Variants in CACNA1C observed in about 807,000 individuals in gnomAD.
CACNA1C encodes calcium voltage-gated channel subunit alpha1 C.
A neutral mutation model predicts 229.0 loss-of-function variants in CACNA1C; 30 were observed. That is an observed-to-expected ratio of 0.13 (90% confidence interval 0.10 to 0.18). The LOEUF (loss-of-function observed/expected upper bound fraction) is 0.18, where lower values mean the gene tolerates loss of function less well. Among genes scored for constraint, CACNA1C ranks in the 10% least tolerant of loss-of-function variants. The pLI is 1.00. For synonymous variants in CACNA1C, 1,114 were observed against 1,132.5 expected (o/e 0.98, Z 0.33); for missense variants, 1,658 against 2,845.0 (o/e 0.58, Z 9.49).
At position 2,519,922 on chromosome 12, in the gene CACNA1C, C is replaced by G. The variant is rs1021000664; in HGVS notation, c.1390+6938C>G. 1.6e-4 allele frequency among the ~76,000 whole-genome samples: 25 copies of G among 152,224 alleles called. 1 individual carries two copies. Among genetic ancestry groups the G allele is most frequent in the African/African-American group, 5.3e-4 (22 of 41,452 alleles). ...CCGTAAGTGTACAAATGCCATTTTCCCAGCCAGGGGAGCAGTGGAAGAGCT... is the reference window on the plus strand; with the variant it reads ...CCGTAAGTGTACAAATGCCATTTTCGCAGCCAGGGGAGCAGTGGAAGAGCT... On this transcript the variant is annotated intron_variant, in intron 9 of 46. Coordinates refer to ENST00000399655, the MANE Select transcript of CACNA1C (RefSeq NM_000719.7).
chr12:2,665,802 G>A lies in CACNA1C; in HGVS notation c.4526+94G>A. 7.9e-7 allele frequency: 1 copy of A among 1,270,302 alleles called. No homozygotes were observed. The highest frequency in any genetic ancestry group is 1.1e-6 in the Non-Finnish European group (1 of 929,116). The allele number at this position is 1,270,302 out of a possible 1,614,324, so 78.7% of individuals were successfully genotyped here. A position where few individuals can be genotyped will look rare whatever the true frequency, so the allele number is the denominator to read the frequency against. On this transcript the variant is annotated intron_variant, in intron 36 of 46. Coordinates refer to ENST00000399655, the MANE Select transcript of CACNA1C (RefSeq NM_000719.7). The surrounding 1 kb of genome is among the most constrained non-coding windows in gnomAD (Gnocchi z 5.9). The stretch of plus-strand genomic sequence containing the variant: ...GGGGCTCAAGGTTGGCCAACACTGG[G>A]TGGATCAATTAGAAACACTGGATTG...
At chr12:2,392,926 A>G (rs2098510335) in intron 3 of CACNA1C, among the ~76,000 whole-genome samples, 2 of 152,126 alleles carry the variant, frequency 1.3e-5, no homozygotes, top group Admixed American at 1.3e-4. Flanking sequence ...AAATTCCTGG[A>G]CCAATCCTTG....
Position 2,272,895 on chromosome 12 carries a change from C to T in CACNA1C, c.477+152465C>T, listed in dbSNP as rs574176540. Among the ~76,000 whole-genome samples the T allele has an allele frequency of 2.0e-5, 3 of 152,334 alleles. No homozygotes were observed. In the East Asian group the frequency reaches 5.8e-4, roughly 29 times the overall value. ...CAGCTAGAAGAAATCAGTTTATAGGCAAACAAGACTCTGATGTTGGCCCTT... is the reference window on the plus strand; with the variant it reads ...CAGCTAGAAGAAATCAGTTTATAGGTAAACAAGACTCTGATGTTGGCCCTT... On this transcript the variant is annotated intron_variant, in intron 3 of 46. Transcript: ENST00000399655.
chr12:2,497,889 T>G (rs551958921), intron 7 of CACNA1C, among the ~76,000 whole-genome samples: 1 of 152,128 alleles, frequency 6.6e-6, no homozygotes, highest in African/African-American at 2.4e-5. Context: ...TAACTTTTCA[T>G]AAGTCACTTG....
intron 38 of CACNA1C, among the ~76,000 whole-genome samples, chr12:2,673,645 G>C (rs551099615): frequency 1.3e-5 from 2 of 152,198 alleles, no homozygotes; most frequent in Admixed American, 1.3e-4. Context: ...TGCAATTGTA[G>C]GCCTGAGATC....
At chr12:2,195,436 AG>A (rs1228375632) in intron 3 of CACNA1C, among the ~76,000 whole-genome samples, 1 of 152,222 alleles carries the variant, frequency 6.6e-6, no homozygotes, top group African/African-American at 2.4e-5. Flanking sequence ...GTAAAGTGGC[AG>A]GATTGAATTG....
At chr12:2,286,412 G>T (rs1465891168) in intron 3 of CACNA1C, among the ~76,000 whole-genome samples, 1 of 152,230 alleles carries the variant, frequency 6.6e-6, no homozygotes, top group East Asian at 1.9e-4. Context: ...GTGAAAATAT[G>T]CCTTAGGCAG....
chr12:2,683,262 T>C (rs1431429240), intron 43 of CACNA1C, among the ~76,000 whole-genome samples: 1 of 152,164 alleles, frequency 6.6e-6, no homozygotes, highest in Non-Finnish European at 1.5e-5. Context: ...TCAGAAACTA[T>C]CAGAATGCGT....
upstream of CACNA1C, among the ~76,000 whole-genome samples, chr12:2,052,823 C>G (rs1375058074): frequency 1.4e-5 from 2 of 143,648 alleles, no homozygotes; most frequent in Non-Finnish European, 3.1e-5. Context: ...CGCCCCGCGC[C>G]GTGCGCCCGG....
chr12:2,294,023 A>G (rs1307544060), intron 3 of CACNA1C, among the ~76,000 whole-genome samples: 2 of 152,242 alleles, frequency 1.3e-5, no homozygotes, highest in East Asian at 3.8e-4. Context: ...TGCACCAGCC[A>G]CTGTCAGGCA....
At chr12:2,625,687 A>T (rs536156800) in intron 29 of CACNA1C, among the ~76,000 whole-genome samples, 1 of 152,012 alleles carries the variant, frequency 6.6e-6, no homozygotes, top group Admixed American at 6.6e-5. Flanking sequence ...ACAGTGGCTC[A>T]CACCTGTAAT....
intron 3 of CACNA1C, among the ~76,000 whole-genome samples, chr12:2,408,494 CTTT>C (rs61026675): frequency 7.3e-6 from 1 of 137,674 alleles, no homozygotes. Context: ...CTAATTGGGG[CTTT>C]TTTTTTTTTT....
chr12:2,196,550 T>C lies in CACNA1C; in HGVS notation c.477+76120T>C, dbSNP rs985805635. On this transcript the variant is annotated intron_variant, in intron 3 of 46. Transcript: ENST00000399655. ...ATTTAGTTTTCCAGGCTGGCCTGTT[T>C]AGTGCATAACACAGCTGACACACTA... Among the ~76,000 whole-genome samples, 9 of 152,374 alleles carry C rather than the reference T, an allele frequency of 5.9e-5. No individual in the cohort carries two copies. The East Asian group carries it at 1.5e-3, about 26-fold the overall frequency.
chr12:2,040,168 C>T (rs55751814), intron 1 of CACNA1C, among the ~76,000 whole-genome samples: 7,693 of 149,990 alleles, frequency 0.051, 265 homozygotes, highest in Middle Eastern at 0.08. Context: ...TTTTTTTGTT[C>T]GTTTGTTTCT....
intron 5 of CACNA1C, 75 bp downstream of exon 5, chr12:2,457,781 A>G: frequency 1.5e-6 from 2 of 1,304,886 alleles, no homozygotes; most frequent in Non-Finnish European, 2.0e-6. Context: ...ATTGCCAAGA[A>G]CACTCTGCAA....
At chr12:2,153,915 C>T (rs1299652798) in intron 3 of CACNA1C, among the ~76,000 whole-genome samples, 2 of 152,214 alleles carry the variant, frequency 1.3e-5, no homozygotes, top group Non-Finnish European at 2.9e-5. Context: ...CCAAGTGCCA[C>T]CTCAACAAGT....
chr12:2,011,869 G>C (rs1306634990), intron 1 of CACNA1C, among the ~76,000 whole-genome samples: 1 of 152,186 alleles, frequency 6.6e-6, no homozygotes, highest in African/African-American at 2.4e-5. Context: ...GGGTGGATGG[G>C]CTCTCGCTGT....
chr12:2,131,808 G>GA (rs1206649623), intron 3 of CACNA1C, among the ~76,000 whole-genome samples: 1 of 149,604 alleles, frequency 6.7e-6, no homozygotes, highest in Non-Finnish European at 1.5e-5. Flanking sequence ...GGTTCCATAT[G>GA]AAGTTTAAAG....
In CACNA1C at chr12:2,275,518, A is replaced by G. The variant is rs1422401859; in HGVS notation, c.477+155088A>G. Among the ~76,000 whole-genome samples the G allele has an allele frequency of 6.7e-6, 1 of 148,208 alleles. No homozygotes were observed. Among genetic ancestry groups the G allele is most frequent in the African/African-American group, 2.5e-5 (1 of 39,940 alleles). On this transcript the variant is annotated intron_variant, in intron 3 of 46. Coordinates refer to ENST00000399655, the MANE Select transcript of CACNA1C (RefSeq NM_000719.7). This position sits in a 1 kb window ranked among gnomAD's most constrained non-coding sequence, Gnocchi z 4.1. ...ATGCAGCCTCCGTCCACTGTCCCCC[A>G]GCTCGCAACCCCCACGCAGCCCCAC... is the stretch of plus-strand genomic sequence containing the variant.
Sources: gnomAD v4.1 joint callset for allele counts (sites outside exome capture counted in the v4.1 genomes callset) on GRCh38, gnomAD v4.1.1 for gene constraint, Gnocchi (gnomAD v3.1) non-coding constraint, MANE v1.5 for transcripts, NCBI Gene and HGNC (gene_info 2026-07-23, HGNC 2026-07-21) for gene names.